The following GSTA4 variants were observed in gnomAD, a reference collection of about 807,000 sequenced individuals.
The protein encoded by GSTA4 is glutathione S-transferase A4.
A neutral mutation model predicts 24.4 loss-of-function variants in GSTA4; 15 were observed. That is an observed-to-expected ratio of 0.61 (90% CI 0.41 to 0.95). The LOEUF is 0.95. Ranked by LOEUF, GSTA4 falls within the 40% of genes least tolerant of loss-of-function variation. The probability of loss-of-function intolerance (pLI) is 0.00; values close to 1 mark genes in which losing one functional copy is unlikely to be tolerated. For synonymous variants in GSTA4, 92 were observed against 94.2 expected, an observed-to-expected ratio of 0.98 and a Z score of 0.13; for missense variants, 244 against 262.1, an observed-to-expected ratio of 0.93 and a Z score of 0.48.
intron 6 of GSTA4, among the ~76,000 whole-genome samples, chr6:52,981,399 C>T (rs972406921): frequency 6.6e-6 from 1 of 152,154 alleles, no homozygotes; most frequent in Admixed American, 6.5e-5. Flanking sequence ...CCATAAAGGA[C>T]CAGTCAGCAA....
chr6:52,983,007 C>A (rs1763483932), intron 5 of GSTA4, among the ~76,000 whole-genome samples: 1 of 152,000 alleles, frequency 6.6e-6, no homozygotes, highest in Non-Finnish European at 1.5e-5. Flanking sequence ...AGGGAAAATT[C>A]CTTATTTCTG....
At chr6:52,989,847 A>C (rs1472225261) in intron 2 of GSTA4, among the ~76,000 whole-genome samples, 1 of 152,122 alleles carries the variant, frequency 6.6e-6, no homozygotes, top group Non-Finnish European at 1.5e-5. Flanking sequence ...AGTTAACAGA[A>C]AGGGTTATTT....
At chr6:52,981,726 T>A in intron 6 of GSTA4, among the ~76,000 whole-genome samples, 1 of 106,344 alleles carries the variant, frequency 9.4e-6, no homozygotes, top group South Asian at 3.1e-4. Flanking sequence ...AGGTTCTAGA[T>A]AAAACTCAAG....
intron 6 of GSTA4, among the ~76,000 whole-genome samples, chr6:52,980,874 G>A (rs1206306646): frequency 6.6e-6 from 1 of 152,144 alleles, no homozygotes; most frequent in Non-Finnish European, 1.5e-5. Flanking sequence ...TAGGGTTATT[G>A]GGGTGGGGTT....
intron 2 of GSTA4, among the ~76,000 whole-genome samples, chr6:52,990,518 A>T (rs1763642871): frequency 6.6e-6 from 1 of 152,172 alleles, no homozygotes; most frequent in Admixed American, 6.5e-5. Flanking sequence ...ACTCTACCTG[A>T]TCAGCCTGTT....
chr6:52,978,684 T>G, intron 6 of GSTA4, 92 bp from the exon 7 acceptor site: 1 of 776,176 alleles, frequency 1.3e-6, no homozygotes, highest in East Asian at 2.7e-5. Flanking sequence ...CCAAAATTTG[T>G]TCAATAAATA....
At chr6:52,987,131 C>T (rs945091102) in intron 3 of GSTA4, among the ~76,000 whole-genome samples, 8 of 151,966 alleles carry the variant, frequency 5.3e-5, no homozygotes, top group South Asian at 4.2e-4. Flanking sequence ...AGCTGTTCAC[C>T]GGGATGTGGA....
intron 2 of GSTA4, 142 bp downstream of exon 2, chr6:52,994,015 G>A: frequency 1.4e-6 from 1 of 719,368 alleles, no homozygotes; most frequent in South Asian, 1.5e-5. Flanking sequence ...AATCCCTTCA[G>A]GGATGGTATC....
intron 2 of GSTA4, among the ~76,000 whole-genome samples, chr6:52,989,009 T>C (rs1031564841): frequency 6.6e-6 from 1 of 152,134 alleles, no homozygotes. Flanking sequence ...CAGCAAAAGA[T>C]ACAGGTCATA....
intron 2 of GSTA4, among the ~76,000 whole-genome samples, chr6:52,989,230 T>C: frequency 6.6e-6 from 1 of 152,214 alleles, no homozygotes; most frequent in South Asian, 2.1e-4. Flanking sequence ...GTTTAGCATA[T>C]TATCAAGAAA....
At chr6:52,988,615 C>T (rs774888843) in intron 2 of GSTA4, among the ~76,000 whole-genome samples, 6 of 151,918 alleles carry the variant, frequency 3.9e-5, no homozygotes, top group South Asian at 2.1e-4. Context: ...TCTCAAGAGT[C>T]GAAGGCATGA....
At chr6:52,985,692 A>G in intron 3 of GSTA4, 109 bp from the exon 4 acceptor site, 1 of 1,116,100 alleles carries the variant, frequency 9.0e-7, no homozygotes, top group South Asian at 1.4e-5. Flanking sequence ...GCCTTAGGAA[A>G]TAGTGTAAAG....
intron 2 of GSTA4, among the ~76,000 whole-genome samples, chr6:52,990,092 C>T (rs1034708203): frequency 3.3e-5 from 5 of 152,108 alleles, no homozygotes; most frequent in African/African-American, 9.7e-5. Context: ...AAATCCTCCA[C>T]GTCTCAAAGG....
chr6:52,993,168 C>T (rs1763697406), intron 2 of GSTA4, among the ~76,000 whole-genome samples: 1 of 152,106 alleles, frequency 6.6e-6, no homozygotes, highest in South Asian at 2.1e-4. Flanking sequence ...TTTAGTTAGT[C>T]ATGCACCAAT....
chr6:52,986,617 C>T (rs1350643683), intron 3 of GSTA4, among the ~76,000 whole-genome samples: 3 of 152,170 alleles, frequency 2.0e-5, no homozygotes, highest in Non-Finnish European at 2.9e-5. Context: ...ACAGCTTGGC[C>T]TTGAGGGTTT....
chr6:52,992,868 A>T (rs1294190637), intron 2 of GSTA4, among the ~76,000 whole-genome samples: 1 of 152,222 alleles, frequency 6.6e-6, no homozygotes, highest in Admixed American at 6.5e-5. Flanking sequence ...TGAGAGGCCC[A>T]GGTGGGTGCA....
chr6:52,993,378 G>A (rs185476011), intron 2 of GSTA4, among the ~76,000 whole-genome samples: 73 of 152,284 alleles, frequency 4.8e-4, no homozygotes, highest in African/African-American at 1.7e-3. Flanking sequence ...GTAGACCAAT[G>A]TCTAGATCCA....
intron 2 of GSTA4, among the ~76,000 whole-genome samples, chr6:52,988,390 G>A (rs937364937): frequency 1.3e-5 from 2 of 151,950 alleles, no homozygotes; most frequent in Non-Finnish European, 2.9e-5. Flanking sequence ...TGGAGAGATC[G>A]GGAGATCTCT....
Position 52,994,205 on chromosome 6 carries a change from T to C in GSTA4, c.39A>G (p.Arg13=), listed in dbSNP as rs1216135518. 1.2e-6 allele frequency: 2 copies of C among 1,613,782 alleles called. No individual in the cohort carries two copies. The highest frequency in any genetic ancestry group is 1.3e-5 in the African/African-American group (1 of 75,058). ...CCCATCTCACGGACTCCATCCGGCC[T>C]CTTCCGTTGGGATAGTGGAGCTTGG... is the stretch of plus-strand genomic sequence containing the variant. The part of the protein sequence containing the change: ...ARPKLHYPNG[R]GRMESVRWVL... Residue 13 remains arginine, a synonymous_variant, in exon 2 of 7, where the codon AGA becomes AGG. Transcript: ENST00000370963.
Sources: gnomAD v4.1 joint callset for allele counts (sites outside exome capture counted in the v4.1 genomes callset) on GRCh38, gnomAD v4.1.1 for gene constraint, MANE v1.5 for transcripts, NCBI Gene and HGNC (gene_info 2026-07-23, HGNC 2026-07-21) for gene names.